PTPN5: variants seen among roughly 807,000 people sequenced by gnomAD.
PTPN5 encodes the protein tyrosine-protein phosphatase non-receptor type 5.
PTPN5 carries 29 observed loss-of-function variants against 73.9 expected under a neutral mutation model. The observed-to-expected ratio is 0.39, with a 90% confidence interval of 0.29 to 0.54. The LOEUF is 0.54. Among genes scored for constraint, PTPN5 ranks in the 20% least tolerant of loss-of-function variants. PTPN5 has a pLI of 0.65. For synonymous variants in PTPN5, 267 were observed against 304.7 expected (o/e 0.88, Z 1.29); for missense variants, 652 against 751.4 (o/e 0.87, Z 1.55).
At chr11:18,758,800 A>G (rs1850264112) in intron 3 of PTPN5, among the ~76,000 whole-genome samples, 1 of 152,132 alleles carries the variant, frequency 6.6e-6, no homozygotes, top group Admixed American at 6.5e-5. Context: ...ATGGATGTCC[A>G]TTTGTCTAAA....
chr11:18,764,934 G>T (rs561168008), intron 3 of PTPN5, among the ~76,000 whole-genome samples: 14 of 152,030 alleles, frequency 9.2e-5, no homozygotes, highest in Non-Finnish European at 2.9e-5. Flanking sequence ...GGATGGTCTC[G>T]ATCTCCTGAC....
At chr11:18,783,788 T>C (rs1052733713) in intron 1 of PTPN5, among the ~76,000 whole-genome samples, 1 of 152,250 alleles carries the variant, frequency 6.6e-6, no homozygotes, top group African/African-American at 2.4e-5. Context: ...TGTTGATTGC[T>C]GAGGGCCTTG....
At chr11:18,735,022 G>GGAT (rs1159905831) in intron 9 of PTPN5, among the ~76,000 whole-genome samples, 8 of 152,112 alleles carry the variant, frequency 5.3e-5, no homozygotes, top group African/African-American at 1.7e-4. Context: ...TGTAATCTGG[G>GGAT]GATGGTCATT....
intron 3 of PTPN5, among the ~76,000 whole-genome samples, chr11:18,755,801 C>T (rs933832989): frequency 5.3e-5 from 8 of 151,912 alleles, no homozygotes; most frequent in South Asian, 4.2e-4. Context: ...GTCAGGAGTT[C>T]GAGACCAGCC....
At position 18,753,013 on chromosome 11, in the gene PTPN5, G is replaced by A. The variant is rs113965952; in HGVS notation, c.98-8814C>T. Among the ~76,000 whole-genome samples, 7 of 152,354 alleles carry A rather than the reference G, an allele frequency of 4.6e-5. 1 individual carries two copies. The highest frequency in any genetic ancestry group is 1.7e-4 in the African/African-American group (7 of 41,588). On this transcript the variant is annotated intron_variant, in intron 3 of 14. Coordinates refer to ENST00000358540, the MANE Select transcript of PTPN5 (RefSeq NM_006906.2). ...CAGCTCTCTCATTAAGCTAGCATATGAAGTTCAACAGGGATTGCCTGTGGA... is the reference window on the plus strand; with the variant it reads ...CAGCTCTCTCATTAAGCTAGCATATAAAGTTCAACAGGGATTGCCTGTGGA...
At chr11:18,734,423 TCCTC>T (rs1849026695) in intron 9 of PTPN5, among the ~76,000 whole-genome samples, 1 of 152,208 alleles carries the variant, frequency 6.6e-6, no homozygotes, top group Non-Finnish European at 1.5e-5. Context: ...GCCCAAGTGA[TCCTC>T]CTGCTTCAAC....
At chr11:18,769,255 C>T (rs1234216524) in intron 2 of PTPN5, among the ~76,000 whole-genome samples, 1 of 152,176 alleles carries the variant, frequency 6.6e-6, no homozygotes, top group Non-Finnish European at 1.5e-5. Context: ...GGGAGACAGA[C>T]ATGCAGACAC....
intron 9 of PTPN5, among the ~76,000 whole-genome samples, chr11:18,735,467 G>A (rs1849071995): frequency 6.6e-6 from 1 of 152,138 alleles, no homozygotes; most frequent in Non-Finnish European, 1.5e-5. Flanking sequence ...GGAGTGGTGA[G>A]TGGTGAGGCT....
intron 1 of PTPN5, among the ~76,000 whole-genome samples, chr11:18,782,120 C>T (rs898147515): frequency 6.6e-5 from 10 of 152,222 alleles, no homozygotes; most frequent in Middle Eastern, 3.2e-3. Flanking sequence ...CATTTTTTCT[C>T]AGGGGGACAG....
At chr11:18,744,985 G>C (rs552665428) in intron 3 of PTPN5, among the ~76,000 whole-genome samples, 1 of 152,362 alleles carries the variant, frequency 6.6e-6, no homozygotes, top group Non-Finnish European at 1.5e-5. Flanking sequence ...CAGAAGCTCT[G>C]CCTGTCCCTG....
intron 3 of PTPN5, chr11:18,749,488 T>TGGGGGGGGAGGGG: frequency 2.7e-6 from 1 of 373,918 alleles, no homozygotes; most frequent in Non-Finnish European, 5.3e-6. Flanking sequence ...CGGGGGAGGG[T>TGGGGGGGGAGGGG]GGGGGGCAGA....
At chr11:18,762,287 G>A (rs1311837850) in intron 3 of PTPN5, among the ~76,000 whole-genome samples, 1 of 152,180 alleles carries the variant, frequency 6.6e-6, no homozygotes, top group Non-Finnish European at 1.5e-5. Flanking sequence ...TCGCCTCTGG[G>A]TAAGACAGAG....
chr11:18,786,800 T>G (rs1037885618), intron 1 of PTPN5, among the ~76,000 whole-genome samples: 1 of 152,258 alleles, frequency 6.6e-6, no homozygotes, highest in East Asian at 1.9e-4. Context: ...AACAACTGAT[T>G]AGGTGCCCGA....
intron 3 of PTPN5, among the ~76,000 whole-genome samples, chr11:18,756,920 T>TA (rs1564910476): frequency 1.0e-4 from 11 of 110,162 alleles, no homozygotes; most frequent in Non-Finnish European, 1.2e-4. Context: ...CAAGACTCCA[T>TA]CAAAAAAAAA....
intron 3 of PTPN5, among the ~76,000 whole-genome samples, chr11:18,754,324 A>C (rs1308769065): frequency 6.6e-6 from 1 of 152,186 alleles, no homozygotes; most frequent in African/African-American, 2.4e-5. Context: ...CTGGGAATCA[A>C]CAACTCCGAA....
chr11:18,728,876 G>T lies in PTPN5; in HGVS notation c.*58C>A. 1 of 1,538,372 alleles carries T rather than the reference G, an allele frequency of 6.5e-7. No homozygotes were observed. The highest frequency in any genetic ancestry group is 8.9e-7 in the Non-Finnish European group (1 of 1,129,288). On this transcript the variant is annotated 3_prime_UTR_variant, in exon 15 of 15. Transcript: ENST00000358540. The surrounding 1 kb of genome is among the most constrained non-coding windows in gnomAD (Gnocchi z 4.1). Reference sequence around the variant, plus strand: ...GCCCAGGACCCGAGGCAGGGCCCTGGGTGAGGGCCGAGACTCAGGCTGGGC... The same window carrying T: ...GCCCAGGACCCGAGGCAGGGCCCTGTGTGAGGGCCGAGACTCAGGCTGGGC...
rs374998508 is a variant in PTPN5 at position 18,742,230 on chromosome 11, C to T, written c.725+32G>A. On this transcript the variant is annotated intron_variant, in intron 7 of 14. Coordinates refer to ENST00000358540, the MANE Select transcript of PTPN5 (RefSeq NM_006906.2). The surrounding 1 kb of genome is among the most constrained non-coding windows in gnomAD (Gnocchi z 4.1). Reference sequence around the variant, plus strand: ...ATCAGGAGCTAAGAGCTCAAGGGCCCGTGGAGCCCACCCCTCCTCCACCCC... The same window carrying T: ...ATCAGGAGCTAAGAGCTCAAGGGCCTGTGGAGCCCACCCCTCCTCCACCCC... The T allele has an allele frequency of 3.2e-5, 52 of 1,612,210 alleles. No individual in the cohort carries two copies. Among genetic ancestry groups the T allele is most frequent in the Non-Finnish European group, 4.2e-5 (49 of 1,178,846 alleles).
chr11:18,734,260 G>A (rs1299483899), intron 9 of PTPN5, among the ~76,000 whole-genome samples: 1 of 152,234 alleles, frequency 6.6e-6, no homozygotes, highest in East Asian at 1.9e-4. Flanking sequence ...TCTGGATTAA[G>A]ACTGTGGGGT....
intron 1 of PTPN5, among the ~76,000 whole-genome samples, chr11:18,782,174 T>G (rs1335642611): frequency 2.0e-5 from 3 of 151,974 alleles, no homozygotes. Context: ...AATCTGTGTG[T>G]GTATTGGGGG....
Sources: allele counts gnomAD v4.1 joint callset (sites outside exome capture counted in the v4.1 genomes callset), GRCh38; gene constraint gnomAD v4.1.1; non-coding constraint Gnocchi (gnomAD v3.1); transcripts MANE v1.5; gene names NCBI Gene and HGNC (gene_info 2026-07-23, HGNC 2026-07-21).